SDK2: variants seen among roughly 807,000 people sequenced by gnomAD.
The protein encoded by SDK2 is sidekick cell adhesion molecule 2, also known as protein sidekick-2.
Under a neutral mutation model 253.9 loss-of-function variants are expected in SDK2, and 105 were observed. That is an observed-to-expected ratio of 0.41 (90% CI 0.35 to 0.49). The LOEUF (loss-of-function observed/expected upper bound fraction) is 0.49, where lower values mean the gene tolerates loss of function less well. Ranked by LOEUF, SDK2 falls within the 20% of genes least tolerant of loss-of-function variation. SDK2 has a pLI of 0.06. For synonymous variants in SDK2, 1,249 were observed against 1,234.9 expected, an observed-to-expected ratio of 1.01 and a Z score of -0.24; for missense variants, 2,608 against 3,003.0, an observed-to-expected ratio of 0.87 and a Z score of 3.07.
At chr17:73,388,881 CT>C (rs2062901174) in intron 29 of SDK2, among the ~76,000 whole-genome samples, 1 of 108,270 alleles carries the variant, frequency 9.2e-6, no homozygotes, top group Non-Finnish European at 1.9e-5. Flanking sequence ...CTCCCTCCTT[CT>C]CTTCCTTCTC....
intron 3 of SDK2, among the ~76,000 whole-genome samples, chr17:73,469,261 C>T (rs2063626953): frequency 6.6e-6 from 1 of 152,230 alleles, no homozygotes; most frequent in Admixed American, 6.5e-5. Flanking sequence ...GAAGCTCCCT[C>T]TTGAGCCAGG....
intron 2 of SDK2, among the ~76,000 whole-genome samples, chr17:73,490,067 C>T (rs779555350): frequency 6.6e-6 from 1 of 152,154 alleles, no homozygotes; most frequent in Non-Finnish European, 1.5e-5. Context: ...CACCCCGGGC[C>T]TTCCTCCACG....
intron 30 of SDK2, among the ~76,000 whole-genome samples, chr17:73,387,323 A>C (rs1382225831): frequency 6.6e-6 from 1 of 152,130 alleles, no homozygotes; most frequent in Non-Finnish European, 1.5e-5. Context: ...GCAGTACTTC[A>C]TCTCTATAAG....
rs1009719677 is a variant in SDK2, at chr17:73,481,494, T to C, written c.225-9276A>G. ...AGAGATCAGTATTTGGATCAGCAGA[T>C]GGAGTAAAGAAGAGAGAGACAGGGA... On this transcript the variant is annotated intron_variant, in intron 2 of 44. Coordinates refer to ENST00000392650, the MANE Select transcript of SDK2 (RefSeq NM_001144952.2). This position sits in a 1 kb window ranked among gnomAD's most constrained non-coding sequence, Gnocchi z 4.5. Among the ~76,000 whole-genome samples the C allele has an allele frequency of 1.3e-5, 2 of 151,692 alleles. No individual in the cohort carries two copies. Among genetic ancestry groups the C allele is most frequent in the African/African-American group, 2.4e-5 (1 of 41,260 alleles).
intron 36 of SDK2, among the ~76,000 whole-genome samples, chr17:73,378,348 C>T (rs1176836980): frequency 6.6e-6 from 1 of 152,104 alleles, no homozygotes; most frequent in African/African-American, 2.4e-5. Flanking sequence ...GTGATCCGCC[C>T]ACCTTGGCCT....
At chr17:73,563,189 G>A (rs908741034) in intron 1 of SDK2, among the ~76,000 whole-genome samples, 1 of 152,206 alleles carries the variant, frequency 6.6e-6, no homozygotes, top group South Asian at 2.1e-4. Flanking sequence ...ACTTCTCTTC[G>A]AACCAGAAAT....
At chr17:73,601,707 C>T (rs2045843521) in intron 1 of SDK2, among the ~76,000 whole-genome samples, 2 of 151,980 alleles carry the variant, frequency 1.3e-5, no homozygotes, top group South Asian at 4.2e-4. Context: ...ACCCTGCCGA[C>T]GACACCTTGA....
chr17:73,579,539 C>T (rs2045503717), intron 1 of SDK2, among the ~76,000 whole-genome samples: 1 of 152,194 alleles, frequency 6.6e-6, no homozygotes, highest in African/African-American at 2.4e-5. Flanking sequence ...TTGCCCTACC[C>T]ACCCCAGAAT....
At position 73,383,318 on chromosome 17, in the gene SDK2, C is replaced by T. The variant is rs532066084; in HGVS notation, c.4705+558G>A. On this transcript the variant is annotated intron_variant, in intron 33 of 44. Transcript: ENST00000392650. This position sits in a 1 kb window ranked among gnomAD's most constrained non-coding sequence, Gnocchi z 4.3. ...TGGGCATCGGCTCTCCCTGACATTT[C>T]CACCTGGGCTCCCCTCTTTCCTTCC... Among the ~76,000 whole-genome samples, 2 of 152,344 alleles carry T rather than the reference C, an allele frequency of 1.3e-5. No individual in the cohort carries two copies. Among genetic ancestry groups the T allele is most frequent in the Admixed American group, 6.5e-5 (1 of 15,304 alleles).
In SDK2 at chr17:73,599,539, A is replaced by G. The variant is rs1277706410; in HGVS notation, c.64+44486T>C. Among the ~76,000 whole-genome samples, 4 of 152,008 alleles carry G rather than the reference A, an allele frequency of 2.6e-5. No individual in the cohort carries two copies. In the South Asian group the frequency reaches 8.3e-4, roughly 32 times the overall value. On this transcript the variant is annotated intron_variant, in intron 1 of 44. Transcript: ENST00000392650. ...GACAGTGAGGTTCCATCTCAAAAAA[A>G]AAAATTAAATTAAATAAATAAAAAT...
At position 73,424,068 on chromosome 17, in the gene SDK2, G is replaced by A. The variant is rs746230163; in HGVS notation, c.1608C>T (p.Ala536=). The part of the protein sequence containing the change: ...TIRYIWEKDG[A]TLGTESHPRI... ...GAGGATGGCTCTCCGTGCCCAGGGTGGCCCCGTCCTTCTCCCAGATGTACC... is the reference window on the plus strand; with the variant it reads ...GAGGATGGCTCTCCGTGCCCAGGGTAGCCCCGTCCTTCTCCCAGATGTACC... Residue 536 remains alanine, a synonymous_variant, in exon 13 of 45, where the codon GCC becomes GCT. Transcript: ENST00000392650. The A allele has an allele frequency of 1.2e-6, 2 of 1,612,716 alleles. No individual in the cohort carries two copies. Among genetic ancestry groups the A allele is most frequent in the Non-Finnish European group, 8.5e-7 (1 of 1,179,628 alleles).
rs2063518785 is a variant in SDK2, at chr17:73,455,428, T to G, written c.479+478A>C. On this transcript the variant is annotated intron_variant, in intron 4 of 44. Coordinates refer to ENST00000392650, the MANE Select transcript of SDK2 (RefSeq NM_001144952.2). The surrounding 1 kb of genome is among the most constrained non-coding windows in gnomAD (Gnocchi z 5.0). ...TGTGTTTCTCTGCCCAGGGCTTCCC[T>G]GGCCACACCTCCGCCGCACAGCCAA... Among the ~76,000 whole-genome samples, 1 of 151,980 alleles carries G rather than the reference T, an allele frequency of 6.6e-6. No homozygotes were observed. The highest frequency in any genetic ancestry group is 2.1e-4 in the South Asian group (1 of 4,816).
chr17:73,499,717 G>C (rs769394833), intron 2 of SDK2, among the ~76,000 whole-genome samples: 7 of 152,192 alleles, frequency 4.6e-5, no homozygotes, highest in Non-Finnish European at 1.0e-4. Context: ...GCAAGTTTCT[G>C]ACCCTCTCTG....
intron 1 of SDK2, among the ~76,000 whole-genome samples, chr17:73,540,737 A>G (rs1396662004): frequency 6.6e-6 from 1 of 152,184 alleles, no homozygotes; most frequent in African/African-American, 2.4e-5. Flanking sequence ...TGGGAGGACA[A>G]CCATCAATTG....
At position 73,431,333 on chromosome 17, in the gene SDK2, C is replaced by T. The variant is rs2063324134; in HGVS notation, c.1480+169G>A. The stretch of plus-strand genomic sequence containing the variant: ...TTCCTAGTCCCTGGCCTCTGAACCA[C>T]TTTGTCACTGTCCCTCTGATGAGAA... On this transcript the variant is annotated intron_variant, in intron 11 of 44. Transcript: ENST00000392650. This position sits in a 1 kb window ranked among gnomAD's most constrained non-coding sequence, Gnocchi z 5.6. Among the ~76,000 whole-genome samples, 1 of 152,214 alleles carries T rather than the reference C, an allele frequency of 6.6e-6. No homozygotes were observed.
At chr17:73,473,538 A>G (rs1039034920) in intron 2 of SDK2, among the ~76,000 whole-genome samples, 1 of 152,142 alleles carries the variant, frequency 6.6e-6, no homozygotes, top group African/African-American at 2.4e-5. Context: ...AGATGTGCCA[A>G]CCCTGGGATG....
At chr17:73,452,147 C>A (rs1296484872) in intron 4 of SDK2, among the ~76,000 whole-genome samples, 6 of 152,162 alleles carry the variant, frequency 3.9e-5, no homozygotes. Flanking sequence ...CCCCAGCATG[C>A]ATCTTTATGA....
intron 12 of SDK2, among the ~76,000 whole-genome samples, chr17:73,425,014 G>A (rs1327237571): frequency 6.6e-6 from 1 of 152,232 alleles, no homozygotes; most frequent in Non-Finnish European, 1.5e-5. Context: ...GAGGTCAGGA[G>A]TTTGAGACCA....
intron 1 of SDK2, among the ~76,000 whole-genome samples, chr17:73,597,574 C>G (rs2045777068): frequency 6.6e-6 from 1 of 152,112 alleles, no homozygotes; most frequent in Non-Finnish European, 1.5e-5. Context: ...CCGATCCTGC[C>G]CCCAGCCCAC....
Sources: allele counts gnomAD v4.1 joint callset (sites outside exome capture counted in the v4.1 genomes callset), GRCh38; gene constraint gnomAD v4.1.1; non-coding constraint Gnocchi (gnomAD v3.1); transcripts MANE v1.5; gene names NCBI Gene and HGNC (gene_info 2026-07-23, HGNC 2026-07-21).